The following ATP10A variants were observed in gnomAD, a reference collection of about 807,000 sequenced individuals.
ATP10A encodes the protein phospholipid-transporting ATPase VA.
A neutral mutation model predicts 147.8 loss-of-function variants in ATP10A; 111 were observed. The ratio of observed to expected loss-of-function variants is 0.75; its 90% CI spans 0.64 to 0.88. The LOEUF is 0.88. Among genes scored for constraint, ATP10A ranks in the 40% least tolerant of loss-of-function variants. The pLI is 0.00. For synonymous variants in ATP10A, 875 were observed against 841.6 expected, an observed-to-expected ratio of 1.04 and a Z score of -0.69; for missense variants, 1,927 against 1,959.0, an observed-to-expected ratio of 0.98 and a Z score of 0.31.
intron 2 of ATP10A, among the ~76,000 whole-genome samples, chr15:25,777,176 CT>C (rs1166723748): frequency 6.6e-6 from 1 of 151,692 alleles, no homozygotes; most frequent in Non-Finnish European, 1.5e-5. Flanking sequence ...CTGCTCCACA[CT>C]TTCCCCATCT....
Position 25,805,319 on chromosome 15 carries a change from A to G in ATP10A, c.450-24096T>C, listed in dbSNP as rs548044622. 1.1e-4 allele frequency among the ~76,000 whole-genome samples: 17 copies of G among 152,308 alleles called. No individual in the cohort carries two copies. In the East Asian group the frequency reaches 3.3e-3, roughly 29 times the overall value. The stretch of plus-strand genomic sequence containing the variant: ...CAGCCACACAATTCCAAGTTCCTTC[A>G]CTGTGCCTACGGGTCTCGATCCAGG... On this transcript the variant is annotated intron_variant, in intron 1 of 20. Transcript: ENST00000555815.
intron 13 of ATP10A, 136 bp downstream of exon 13, chr15:25,701,780 C>T: frequency 1.2e-6 from 1 of 812,120 alleles, no homozygotes. Flanking sequence ...CAATAACATG[C>T]ACATCCTAAA....
At chr15:25,747,583 G>GTAA (rs1436512988) in intron 2 of ATP10A, among the ~76,000 whole-genome samples, 1 of 151,918 alleles carries the variant, frequency 6.6e-6, no homozygotes, top group African/African-American at 2.4e-5. Context: ...TACATCAACA[G>GTAA]GTTAAAAGTG....
At chr15:25,701,284 G>A (rs148580552) in intron 13 of ATP10A, among the ~76,000 whole-genome samples, 1 of 152,222 alleles carries the variant, frequency 6.6e-6, no homozygotes, top group Admixed American at 6.5e-5. Flanking sequence ...GGTCCTGATA[G>A]CTGATGGTGC....
intron 14 of ATP10A, among the ~76,000 whole-genome samples, chr15:25,692,552 C>T (rs189070644): frequency 2.6e-5 from 4 of 152,268 alleles, no homozygotes; most frequent in Admixed American, 2.6e-4. Flanking sequence ...AGTGTGACTA[C>T]AGGATGTCTC....
At chr15:25,781,328 T>C (rs563133704) in intron 1 of ATP10A, 105 bp from the exon 2 acceptor site, 13 of 980,776 alleles carry the variant, frequency 1.3e-5, no homozygotes, top group African/African-American at 1.3e-4. Context: ...TACATTTGCA[T>C]AGGCTGAAAA....
intron 2 of ATP10A, among the ~76,000 whole-genome samples, chr15:25,738,866 C>T (rs1348823062): frequency 6.6e-6 from 1 of 152,158 alleles, no homozygotes; most frequent in African/African-American, 2.4e-5. Context: ...TTTTGCACCA[C>T]CTTCAACTTA....
intron 1 of ATP10A, among the ~76,000 whole-genome samples, chr15:25,838,507 G>C (rs905359242): frequency 6.6e-6 from 1 of 152,166 alleles, no homozygotes; most frequent in Admixed American, 6.5e-5. Flanking sequence ...AGCCTAAGGG[G>C]CCTCTCCCAC....
intron 12 of ATP10A, among the ~76,000 whole-genome samples, chr15:25,705,476 T>G (rs56040035): frequency 0.99 from 143,947 of 144,714 alleles, 71,604 homozygotes; most frequent in Middle Eastern, 1. Flanking sequence ...ACAAAAAAAA[T>G]CACCTTCATG....
intron 2 of ATP10A, among the ~76,000 whole-genome samples, chr15:25,744,092 G>C (rs565006543): frequency 6.6e-6 from 1 of 152,016 alleles, no homozygotes; most frequent in African/African-American, 2.4e-5. Context: ...CAGGAAGAAC[G>C]GCATCACAGA....
At chr15:25,757,325 T>C (rs1888469521) in intron 2 of ATP10A, among the ~76,000 whole-genome samples, 1 of 152,112 alleles carries the variant, frequency 6.6e-6, no homozygotes, top group African/African-American at 2.4e-5. Flanking sequence ...AAAAATTGCA[T>C]ATTTCCTAGC....
intron 2 of ATP10A, among the ~76,000 whole-genome samples, chr15:25,736,553 T>C (rs142541571): frequency 8.1e-4 from 123 of 152,296 alleles, no homozygotes; most frequent in African/African-American, 2.7e-3. Context: ...ATAAATTCTA[T>C]TTTTTCAACG....
intron 1 of ATP10A, among the ~76,000 whole-genome samples, chr15:25,821,071 T>A (rs1891857495): frequency 1.3e-5 from 2 of 152,198 alleles, no homozygotes; most frequent in African/African-American, 2.4e-5. Context: ...AAAACCTTAA[T>A]TTTTAGAAAA....
At chr15:25,724,376 C>T (rs536806548) in intron 5 of ATP10A, among the ~76,000 whole-genome samples, 39 of 152,304 alleles carry the variant, frequency 2.6e-4, no homozygotes, top group African/African-American at 8.9e-4. Flanking sequence ...TCATGAAATG[C>T]GCAGCAAAAA....
chr15:25,854,592 T>C (rs1346231648), intron 1 of ATP10A, among the ~76,000 whole-genome samples: 1 of 152,164 alleles, frequency 6.6e-6, no homozygotes, highest in African/African-American at 2.4e-5. Flanking sequence ...ACAACTGACT[T>C]GAGAAGAAAT....
rs536183386 is a variant in ATP10A, at chr15:25,720,820, AG to A, written c.1363+836del. Reference sequence around the variant, plus strand: ...TCCTTGGTTTTATAAATCTCACAAAAGTGTCAAGTAAACAACAGATGCTTCC... The same window carrying A: ...TCCTTGGTTTTATAAATCTCACAAAATGTCAAGTAAACAACAGATGCTTCC... On this transcript the variant is annotated intron_variant, in intron 7 of 20. Transcript: ENST00000555815. Among the ~76,000 whole-genome samples, 6 of 152,374 alleles carry A rather than the reference AG, an allele frequency of 3.9e-5. No individual in the cohort carries two copies. The South Asian group carries it at 1.2e-3, about 32-fold the overall frequency.
intron 1 of ATP10A, among the ~76,000 whole-genome samples, chr15:25,805,402 A>G (rs766065489): frequency 7.2e-5 from 11 of 152,216 alleles, no homozygotes; most frequent in Non-Finnish European, 1.6e-4. Context: ...GAATTTTTTC[A>G]ATGGCAGCAC....
rs141305055 is a variant in ATP10A at position 25,850,545 on chromosome 15, C to T, written c.449+12103G>A. On this transcript the variant is annotated intron_variant, in intron 1 of 20. Coordinates refer to ENST00000555815, the MANE Select transcript of ATP10A (RefSeq NM_024490.4). ...GCCAGCCCACAGGCGAGGCGAGTCC[C>T]CAGGCGCCATTCTACGCGGCCAGTT... 1.8e-3 allele frequency among the ~76,000 whole-genome samples: 274 copies of T among 152,338 alleles called. 1 individual carries two copies. The highest frequency in any genetic ancestry group is 6.1e-3 in the African/African-American group (254 of 41,594).
intron 2 of ATP10A, among the ~76,000 whole-genome samples, chr15:25,754,976 TAATGAAA>T (rs1054552276): frequency 3.3e-5 from 5 of 152,174 alleles, no homozygotes; most frequent in African/African-American, 1.2e-4. Context: ...TATAAAAAGC[TAATGAAA>T]ATCTAAAAAT....
Sources: allele counts gnomAD v4.1 joint callset (sites outside exome capture counted in the v4.1 genomes callset), GRCh38; gene constraint gnomAD v4.1.1; transcripts MANE v1.5; gene names NCBI Gene and HGNC (gene_info 2026-07-23, HGNC 2026-07-21).